LAMC3: variants seen among roughly 807,000 people sequenced by gnomAD.
LAMC3 encodes laminin subunit gamma-3.
LAMC3 carries 128 observed loss-of-function variants against 173.8 expected under a neutral mutation model. The ratio of observed to expected loss-of-function variants is 0.74; its 90% CI spans 0.64 to 0.85. The LOEUF (loss-of-function observed/expected upper bound fraction) is 0.85. Ranked by LOEUF, LAMC3 falls within the 40% of genes least tolerant of loss-of-function variation. The pLI is 0.00. For synonymous variants in LAMC3, 897 were observed against 909.1 expected (o/e 0.99, Z 0.24); for missense variants, 2,022 against 2,156.0 (o/e 0.94, Z 1.23).
Position 131,026,676 on chromosome 9 carries a change from G to C in LAMC3, c.678+87G>C, listed in dbSNP as rs1029695677. ...AGGGTCTGATGTGCCAGGACACACAGGGTGGGGGACCTGCAAAACCCCATG... is the reference window on the plus strand; with the variant it reads ...AGGGTCTGATGTGCCAGGACACACACGGTGGGGGACCTGCAAAACCCCATG... On this transcript the variant is annotated intron_variant, in intron 2 of 27. Coordinates refer to ENST00000361069, the MANE Select transcript of LAMC3 (RefSeq NM_006059.4). The surrounding 1 kb of genome is among the most constrained non-coding windows in gnomAD (Gnocchi z 4.8). 7 of 1,445,352 alleles carry C rather than the reference G, an allele frequency of 4.8e-6. No individual in the cohort carries two copies. The highest frequency in any genetic ancestry group is 9.1e-7 in the Non-Finnish European group (1 of 1,103,884). 89.5% of individuals were successfully genotyped at this position (1,445,352 alleles called of 1,614,324 possible).
intron 4 of LAMC3, 28 bp downstream of exon 4, chr9:131,036,360 A>C: frequency 6.2e-7 from 1 of 1,612,212 alleles, no homozygotes; most frequent in Non-Finnish European, 8.5e-7. Flanking sequence ...ACAGGGCATC[A>C]GGGACCCGAG....
chr9:131,060,861 C>G (rs775334547), intron 12 of LAMC3, among the ~76,000 whole-genome samples, 174 bp from the exon 13 acceptor site: 1 of 152,094 alleles, frequency 6.6e-6, no homozygotes, highest in Non-Finnish European at 1.5e-5. Context: ...TGGACATGAA[C>G]CAGGTGGTCC....
intron 24 of LAMC3, among the ~76,000 whole-genome samples, chr9:131,082,705 G>A (rs1830262105): frequency 6.6e-6 from 1 of 152,236 alleles, no homozygotes; most frequent in Non-Finnish European, 1.5e-5. Flanking sequence ...ATCCACCTGT[G>A]TGATGGGCTT....
chr9:131,012,355 C>T (rs554853002), intron 1 of LAMC3, among the ~76,000 whole-genome samples: 6 of 152,320 alleles, frequency 3.9e-5, no homozygotes, highest in African/African-American at 1.2e-4. Flanking sequence ...TTACCTGTAC[C>T]GTACGGATAA....
rs749913091 is a variant in LAMC3, at chr9:131,038,848, C to T, written c.977-16C>T. On this transcript the variant is annotated splice_polypyrimidine_tract_variant and intron_variant, in intron 4 of 27. Transcript: ENST00000361069. ...TCACAGGGGACTCACACACCTTTCC[C>T]CACTCCTGCCCATAGCCTGCAACTG... 6.2e-7 allele frequency: 1 copy of T among 1,612,332 alleles called. No homozygotes were observed. Among genetic ancestry groups the T allele is most frequent in the Non-Finnish European group, 8.5e-7 (1 of 1,179,906 alleles).
At chr9:131,012,062 TACACACACACACACAC>T (rs33965311) in intron 1 of LAMC3, among the ~76,000 whole-genome samples, 1 of 138,400 alleles carries the variant, frequency 7.2e-6, no homozygotes, top group Non-Finnish European at 1.6e-5. Context: ...CACACACACA[TACACACACACACACAC>T]ACACACACAC....
chr9:131,022,756 T>C (rs751644951), intron 1 of LAMC3, among the ~76,000 whole-genome samples: 1 of 151,610 alleles, frequency 6.6e-6, no homozygotes, highest in Non-Finnish European at 1.5e-5. Context: ...TTATTTATTT[T>C]TTGTAGAGAG....
At chr9:131,034,295 C>G (rs1833901968) in intron 3 of LAMC3, among the ~76,000 whole-genome samples, 1 of 152,340 alleles carries the variant, frequency 6.6e-6, no homozygotes, top group Middle Eastern at 3.4e-3. Flanking sequence ...TGTGACTTCC[C>G]TGGTGACCAC....
rs1330367984 is a variant in LAMC3, at chr9:131,026,633, C to A, written c.678+44C>A. ...TTCGGAGGTTGGGACGGGGTTGGGA[C>A]TGGGTCACGGCAGTAGGAGGGTCTG... On this transcript the variant is annotated intron_variant, in intron 2 of 27. Coordinates refer to ENST00000361069, the MANE Select transcript of LAMC3 (RefSeq NM_006059.4). The surrounding 1 kb of genome is among the most constrained non-coding windows in gnomAD (Gnocchi z 4.8). 1 of 1,517,012 alleles carries A rather than the reference C, an allele frequency of 6.6e-7. No homozygotes were observed. Among genetic ancestry groups the A allele is most frequent in the East Asian group, 2.4e-5 (1 of 41,722 alleles). The allele number at this position is 1,517,012 out of a possible 1,614,324, so 94.0% of individuals were successfully genotyped here.
chr9:131,034,656 G>A (rs1833908479), intron 3 of LAMC3, among the ~76,000 whole-genome samples: 1 of 152,242 alleles, frequency 6.6e-6, no homozygotes, highest in Non-Finnish European at 1.5e-5. Context: ...GGACGCTAAT[G>A]TCCCTCCCAC....
intron 3 of LAMC3, 135 bp downstream of exon 3, chr9:131,032,310 C>T (rs952694160): frequency 6.3e-6 from 5 of 795,182 alleles, no homozygotes; most frequent in African/African-American, 1.7e-5. Context: ...GGAGCACCTG[C>T]CATTCGAGGC....
At chr9:131,061,472 G>A (rs776568754) in intron 13 of LAMC3, among the ~76,000 whole-genome samples, 10 of 152,192 alleles carry the variant, frequency 6.6e-5, no homozygotes, top group South Asian at 2.1e-4. Context: ...GAAAATACCC[G>A]TATCTGGTCC....
At position 131,032,141 on chromosome 9, in the gene LAMC3, T is replaced by G; in HGVS notation, c.775T>G (p.Tyr259Asp). Residue 259 changes from tyrosine to aspartate, a missense_variant, in exon 3 of 28, where the codon TAT becomes GAT. Tyr to Asp is a radical substitution (Grantham distance 160). Coordinates refer to ENST00000361069, the MANE Select transcript of LAMC3 (RefSeq NM_006059.4). ...GGACCCCAAGGTGCTCCAGTCCTACTATTATGCCGTGTCCGACTTCTCTGT... is the reference window on the plus strand; with the variant it reads ...GGACCCCAAGGTGCTCCAGTCCTACGATTATGCCGTGTCCGACTTCTCTGT... Reference protein sequence around the residue: ...FKDPKVLQSYYYAVSDFSVGG... With the variant: ...FKDPKVLQSYDYAVSDFSVGG... The G allele has an allele frequency of 6.2e-7, 1 of 1,612,320 alleles. No individual in the cohort carries two copies. Among genetic ancestry groups the G allele is most frequent in the Non-Finnish European group, 8.5e-7 (1 of 1,179,208 alleles).
At chr9:131,048,564 G>A (rs1047814684) in intron 8 of LAMC3, among the ~76,000 whole-genome samples, 2 of 152,164 alleles carry the variant, frequency 1.3e-5, no homozygotes, top group African/African-American at 4.8e-5. Context: ...GTTAACTGCT[G>A]TGGCCAGAGG....
rs1345636118 is a variant in LAMC3 at position 131,036,217 on chromosome 9, G to C, written c.861G>C (p.Gln287His). The C allele has an allele frequency of 8.1e-6, 13 of 1,612,698 alleles. No individual in the cohort carries two copies. Among genetic ancestry groups the C allele is most frequent in the Admixed American group, 1.7e-5 (1 of 60,004 alleles). The change falls in exon 4 of 28, where the codon CAG (glutamine) becomes CAC (histidine). Residue 287 changes from glutamine to histidine, a missense_variant. Transcript: ENST00000361069. Reference protein sequence around the residue: ...ASECGPDVAGQLACRCQHNTT... With the variant: ...ASECGPDVAGHLACRCQHNTT... ...AGTGCGGCCCCGACGTGGCAGGCCA[G>C]TTGGCCTGCCGGTGCCAGCACAACA...
At chr9:131,064,067 C>T (rs187955348) in intron 13 of LAMC3, among the ~76,000 whole-genome samples, 58 of 152,160 alleles carry the variant, frequency 3.8e-4, no homozygotes, top group African/African-American at 1.2e-3. Flanking sequence ...ACCACCATGC[C>T]CGGCTAATGT....
At chr9:131,046,180 C>CTTTTT (rs61108655) in intron 8 of LAMC3, among the ~76,000 whole-genome samples, 12 of 76,544 alleles carry the variant, frequency 1.6e-4, no homozygotes, top group African/African-American at 4.0e-4. Flanking sequence ...AGTTTTGCTC[C>CTTTTT]TTTTTTTTTT....
rs190762296 is a variant in LAMC3 at position 131,033,860 on chromosome 9, G to C, written c.809+1685G>C. Among the ~76,000 whole-genome samples, 3 of 152,100 alleles carry C rather than the reference G, an allele frequency of 2.0e-5. No individual in the cohort carries two copies. In the East Asian group the frequency reaches 5.8e-4, roughly 29 times the overall value. On this transcript the variant is annotated intron_variant, in intron 3 of 27. Transcript: ENST00000361069. Reference sequence around the variant, plus strand: ...CTCTGGGCCTCCACAGTTCAGAGGCGCTTGGGTGGCATTAGAGAGATGGAG... The same window carrying C: ...CTCTGGGCCTCCACAGTTCAGAGGCCCTTGGGTGGCATTAGAGAGATGGAG...
chr9:131,079,045 G>T (rs1392084351), intron 22 of LAMC3, 104 bp from the exon 23 acceptor site: 4 of 1,442,624 alleles, frequency 2.8e-6, no homozygotes, highest in Non-Finnish European at 3.8e-6. Context: ...GGCAGCCAGG[G>T]GCAGACCCGC....
Sources: gnomAD v4.1 joint callset for allele counts (sites outside exome capture counted in the v4.1 genomes callset) on GRCh38, gnomAD v4.1.1 for gene constraint, Gnocchi (gnomAD v3.1) non-coding constraint, MANE v1.5 for transcripts, NCBI Gene and HGNC (gene_info 2026-07-23, HGNC 2026-07-21) for gene names.